Variants in PBK observed in about 807,000 individuals in gnomAD.
PBK encodes the protein lymphokine-activated killer T-cell-originated protein kinase.
Under a neutral mutation model 33.5 loss-of-function variants are expected in PBK, and 22 were observed. The ratio of observed to expected loss-of-function variants is 0.66; its 90% CI spans 0.47 to 0.94. PBK has a LOEUF of 0.94. Ranked by LOEUF, PBK falls within the 40% of genes least tolerant of loss-of-function variation. The pLI, the probability that PBK is intolerant of heterozygous loss-of-function variation, is 0.00. For synonymous variants in PBK, 129 were observed against 123.8 expected (o/e 1.04, Z -0.28); for missense variants, 376 against 383.4 (o/e 0.98, Z 0.16).
Position 27,811,084 on chromosome 8 carries a change from C to T in PBK, c.646G>A (p.Glu216Lys). 1.2e-6 allele frequency: 2 copies of T among 1,613,676 alleles called. No individual in the cohort carries two copies. Among genetic ancestry groups the T allele is most frequent in the Non-Finnish European group, 1.7e-6 (2 of 1,179,578 alleles). The change falls in exon 7 of 8, where the codon GAA becomes AAA. Residue 216 changes from glutamate (E) to lysine (K), a missense_variant. Transcript: ENST00000301905. The part of the protein sequence containing the change: ...YIGTEPWKPK[E>K]AVEENGVITD... ...ATAACACCATTCTCCTCCACAGCTT[C>T]TTTGGGTTTCCATGGCTCTGTGCCA... is the stretch of plus-strand genomic sequence containing the variant.
At chr8:27,834,722 C>T (rs895230898) in intron 1 of PBK, among the ~76,000 whole-genome samples, 2 of 152,070 alleles carry the variant, frequency 1.3e-5, no homozygotes, top group African/African-American at 4.8e-5. Context: ...GGCGAAACCT[C>T]GTCTCTACTA....
rs749724080 is a variant in PBK at position 27,825,937 on chromosome 8, A to C, written c.152+2168T>G. Among the ~76,000 whole-genome samples the C allele has an allele frequency of 2.2e-4, 33 of 152,218 alleles. 1 individual carries two copies. Among genetic ancestry groups the C allele is most frequent in the Non-Finnish European group, 7.3e-5 (5 of 68,040 alleles). ...AGAAAAAGAGGTGAAAATCATCAAC[A>C]AAGTAATTTTTAAAATAATGTCTCA... is the stretch of plus-strand genomic sequence containing the variant. On this transcript the variant is annotated intron_variant, in intron 3 of 7. Coordinates refer to ENST00000301905, the MANE Select transcript of PBK (RefSeq NM_018492.4).
chr8:27,820,496 G>T, intron 6 of PBK, 69 bp downstream of exon 6: 1 of 888,412 alleles, frequency 1.1e-6, no homozygotes, highest in South Asian at 1.5e-5. Flanking sequence ...GATCCATGTG[G>T]ACTTACGTAT....
At position 27,817,318 on chromosome 8, in the gene PBK, A is replaced by AGTTTCACT. The variant is rs1355528660; in HGVS notation, c.595+3239_595+3246dup. 6.6e-5 allele frequency among the ~76,000 whole-genome samples: 10 copies of AGTTTCACT among 152,294 alleles called. No individual in the cohort carries two copies. The South Asian group carries it at 1.7e-3, about 25-fold the overall frequency. Reference sequence around the variant, plus strand: ...AAAGGAACATTTTATCATCATAGAAAGTTTCACTGAACAGCACTGCTCTAG... The same window carrying AGTTTCACT: ...AAAGGAACATTTTATCATCATAGAAAGTTTCACTGTTTCACTGAACAGCACTGCTCTAG... On this transcript the variant is annotated intron_variant, in intron 6 of 7. Transcript: ENST00000301905.
At chr8:27,817,820 A>AT (rs971862335) in intron 6 of PBK, among the ~76,000 whole-genome samples, 7 of 152,154 alleles carry the variant, frequency 4.6e-5, no homozygotes, top group African/African-American at 7.2e-5. Flanking sequence ...GAGCTTGAGC[A>AT]TTTAACTATC....
At chr8:27,816,040 G>C (rs1398863480) in intron 6 of PBK, among the ~76,000 whole-genome samples, 1 of 152,114 alleles carries the variant, frequency 6.6e-6, no homozygotes, top group Non-Finnish European at 1.5e-5. Flanking sequence ...GAAAAATGAT[G>C]AAACTGGAGC....
At chr8:27,814,007 C>T (rs1156373582) in intron 6 of PBK, among the ~76,000 whole-genome samples, 1 of 152,148 alleles carries the variant, frequency 6.6e-6, no homozygotes, top group African/African-American at 2.4e-5. Flanking sequence ...ATAATAATCA[C>T]ATCAGGACCG....
intron 6 of PBK, chr8:27,811,406 A>G: frequency 1.8e-6 from 1 of 542,682 alleles, no homozygotes; most frequent in South Asian, 2.1e-5. Context: ...TTGAGATTAC[A>G]GACTCTGGAG....
intron 6 of PBK, among the ~76,000 whole-genome samples, chr8:27,813,326 G>C (rs61201459): frequency 0.022 from 3,322 of 152,138 alleles, 105 homozygotes; most frequent in African/African-American, 0.074. Flanking sequence ...CATGGGGTAG[G>C]GGGGAGGGAT....
intron 1 of PBK, among the ~76,000 whole-genome samples, chr8:27,836,698 C>T (rs533402091): frequency 2.0e-5 from 3 of 152,156 alleles, no homozygotes; most frequent in South Asian, 4.2e-4. Flanking sequence ...TGCCTTTTCC[C>T]GCTCACTCTA....
intron 6 of PBK, chr8:27,812,047 C>A (rs6997451): frequency 0.42 from 63,508 of 151,908 alleles, 13,615 homozygotes; most frequent in East Asian, 0.62. Context: ...AGTTTCGTCT[C>A]CTTTCCAATT....
intron 3 of PBK, among the ~76,000 whole-genome samples, chr8:27,826,652 C>A (rs1380383105): frequency 2.4e-5 from 3 of 127,196 alleles, no homozygotes; most frequent in African/African-American, 9.9e-5. Flanking sequence ...AAAAATTAGC[C>A]GGGCGTGGTG....
At chr8:27,814,215 T>C (rs1805765836) in intron 6 of PBK, among the ~76,000 whole-genome samples, 1 of 152,206 alleles carries the variant, frequency 6.6e-6, no homozygotes, top group South Asian at 2.1e-4. Context: ...TGTTTCTTAG[T>C]AGACATAGGG....
At chr8:27,825,217 A>G (rs1182468943) in intron 3 of PBK, among the ~76,000 whole-genome samples, 1 of 152,208 alleles carries the variant, frequency 6.6e-6, no homozygotes, top group East Asian at 1.9e-4. Context: ...AGTCAGGAGG[A>G]TGACTTGAGA....
At chr8:27,831,424 G>A (rs1354645301) in intron 2 of PBK, among the ~76,000 whole-genome samples, 4 of 151,260 alleles carry the variant, frequency 2.6e-5, no homozygotes, top group Non-Finnish European at 4.4e-5. Context: ...AATACATGAA[G>A]CAACAACTGA....
At chr8:27,817,046 C>G (rs1805831383) in intron 6 of PBK, among the ~76,000 whole-genome samples, 1 of 152,074 alleles carries the variant, frequency 6.6e-6, no homozygotes, top group South Asian at 2.1e-4. Flanking sequence ...AATAGAAAGC[C>G]TTTGCCTACA....
chr8:27,822,203 G>T, intron 5 of PBK, 116 bp downstream of exon 5: 1 of 755,608 alleles, frequency 1.3e-6, no homozygotes, highest in Non-Finnish European at 2.1e-6. Flanking sequence ...ACCCCTTTTT[G>T]GAACTGACAA....
chr8:27,833,137 C>T lies in PBK; in HGVS notation c.-20-4G>A, dbSNP rs530396261. 53 of 1,505,732 alleles carry T rather than the reference C, an allele frequency of 3.5e-5. No homozygotes were observed. The highest frequency in any genetic ancestry group is 4.3e-5 in the Non-Finnish European group (47 of 1,105,618). 93.3% of individuals were successfully genotyped at this position (1,505,732 alleles called of 1,614,324 possible). A position where few individuals can be genotyped will look rare whatever the true frequency, so the allele number is the denominator to read the frequency against. On this transcript the variant is annotated splice_polypyrimidine_tract_variant and splice_region_variant and intron_variant, in intron 1 of 7. Coordinates refer to ENST00000301905, the MANE Select transcript of PBK (RefSeq NM_018492.4). ...ATTGTGAAAGCCACTCTCAGTCCTA[C>T]GATGAAAACAAATTGCAAGTTACAC...
At chr8:27,815,342 A>AGG (rs1231111692) in intron 6 of PBK, among the ~76,000 whole-genome samples, 1 of 152,230 alleles carries the variant, frequency 6.6e-6, no homozygotes, top group Non-Finnish European at 1.5e-5. Flanking sequence ...ATACCAGACT[A>AGG]GGAGGGTACC....
Sources: gnomAD v4.1 joint callset for allele counts (sites outside exome capture counted in the v4.1 genomes callset) on GRCh38, gnomAD v4.1.1 for gene constraint, MANE v1.5 for transcripts, NCBI Gene and HGNC (gene_info 2026-07-23, HGNC 2026-07-21) for gene names.